ELMO1: variants seen among roughly 807,000 people sequenced by gnomAD.
ELMO1 encodes the protein engulfment and cell motility 1, also known as engulfment and cell motility protein 1.
ELMO1 carries 26 observed loss-of-function variants against 98.9 expected under a neutral mutation model. That is an observed-to-expected ratio of 0.26 (90% CI 0.19 to 0.36). The LOEUF (loss-of-function observed/expected upper bound fraction) is 0.36, where lower values mean the gene tolerates loss of function less well. ELMO1 is among the 10% of genes least tolerant of loss of function. The pLI is 1.00. For missense variants in ELMO1, 627 were observed against 935.2 expected (o/e 0.67, Z 4.30); for synonymous variants, 346 against 346.0 (o/e 1.00, Z 0.00).
At chr7:37,218,136 C>T (rs1463511600) in intron 10 of ELMO1, among the ~76,000 whole-genome samples, 1 of 151,950 alleles carries the variant, frequency 6.6e-6, no homozygotes, top group East Asian at 1.9e-4. Flanking sequence ...ATAAAAGCCT[C>T]AAAGGATCCT....
chr7:37,352,995 A>G (rs941398143), intron 1 of ELMO1: 1 of 152,082 alleles, frequency 6.6e-6, no homozygotes, highest in African/African-American at 2.4e-5. Context: ...GGCACATCCA[A>G]TGGCTCTGTA....
intron 15 of ELMO1, chr7:37,013,727 G>T: frequency 3.1e-6 from 1 of 321,598 alleles, no homozygotes; most frequent in South Asian, 4.7e-5. Context: ...AAACTGCTGT[G>T]TTGATTATGA....
chr7:37,100,085 A>G (rs1784563847), intron 14 of ELMO1, among the ~76,000 whole-genome samples: 1 of 152,066 alleles, frequency 6.6e-6, no homozygotes, highest in African/African-American at 2.4e-5. Flanking sequence ...TCCCTCTCCA[A>G]TGACCAAATC....
At chr7:37,156,347 C>T (rs1788763685) in intron 13 of ELMO1, among the ~76,000 whole-genome samples, 1 of 151,820 alleles carries the variant, frequency 6.6e-6, no homozygotes, top group Non-Finnish European at 1.5e-5. Context: ...GACAGAGATA[C>T]AAAAAAACCC....
chr7:37,151,663 G>A (rs1482090651), intron 13 of ELMO1, among the ~76,000 whole-genome samples: 1 of 152,154 alleles, frequency 6.6e-6, no homozygotes, highest in Non-Finnish European at 1.5e-5. Flanking sequence ...ATGGTTTTCT[G>A]GAGAACATAT....
chr7:36,945,499 G>A (rs761563944), intron 16 of ELMO1, among the ~76,000 whole-genome samples: 1 of 152,186 alleles, frequency 6.6e-6, no homozygotes, highest in African/African-American at 2.4e-5. Context: ...GGAATCCCTA[G>A]AACGATCATT....
At chr7:37,173,075 G>A (rs1039429587) in intron 13 of ELMO1, among the ~76,000 whole-genome samples, 3 of 152,166 alleles carry the variant, frequency 2.0e-5, no homozygotes, top group East Asian at 1.9e-4. Context: ...CCTCTTCAAC[G>A]AAATGTGAAA....
Position 36,928,849 on chromosome 7 carries a change from T to G in ELMO1, c.1438-33832A>C, listed in dbSNP as rs148980179. Among the ~76,000 whole-genome samples the G allele has an allele frequency of 2.7e-3, 411 of 152,268 alleles. 1 individual carries two copies. Among genetic ancestry groups the G allele is most frequent in the South Asian group, 0.017 (83 of 4,828 alleles). Reference sequence around the variant, plus strand: ...AGGGAGCTTTTCTGAAAGGTGAGAATGTACTAAAGTGTGGCATATGACACA... The same window carrying G: ...AGGGAGCTTTTCTGAAAGGTGAGAAGGTACTAAAGTGTGGCATATGACACA... On this transcript the variant is annotated intron_variant, in intron 16 of 21. Transcript: ENST00000310758.
chr7:36,953,515 A>C (rs1333908203), intron 16 of ELMO1, among the ~76,000 whole-genome samples: 1 of 152,204 alleles, frequency 6.6e-6, no homozygotes, highest in Non-Finnish European at 1.5e-5. Context: ...TGACTGTCAA[A>C]AATTTTGGTG....
intron 15 of ELMO1, among the ~76,000 whole-genome samples, chr7:37,082,197 G>C (rs781574802): frequency 1.3e-5 from 2 of 152,196 alleles, no homozygotes; most frequent in Non-Finnish European, 2.9e-5. Flanking sequence ...AGCTGCACTG[G>C]CATTATAATG....
chr7:37,217,654 A>T, intron 10 of ELMO1: 1 of 456,534 alleles, frequency 2.2e-6, no homozygotes, highest in Non-Finnish European at 4.4e-6. Flanking sequence ...GGTGGACAGG[A>T]GCAGCACAGG....
At chr7:37,166,998 G>C (rs6954561) in intron 13 of ELMO1, among the ~76,000 whole-genome samples, 31,561 of 151,248 alleles carry the variant, frequency 0.21, 4,446 homozygotes, top group African/African-American at 0.4. Flanking sequence ...TCACTCAGGA[G>C]TTGCTTTATG....
At chr7:37,325,342 A>T (rs1017978490) in intron 2 of ELMO1, among the ~76,000 whole-genome samples, 1 of 152,216 alleles carries the variant, frequency 6.6e-6, no homozygotes, top group Non-Finnish European at 1.5e-5. Flanking sequence ...GGGCCTGGAA[A>T]GGCATGCAGT....
At chr7:36,866,046 C>T (rs1046962392) in intron 20 of ELMO1, among the ~76,000 whole-genome samples, 3 of 152,192 alleles carry the variant, frequency 2.0e-5, no homozygotes, top group African/African-American at 7.2e-5. Context: ...AAGATGGAAG[C>T]TTCTCATACA....
At chr7:36,863,097 G>A (rs964912391) in intron 20 of ELMO1, among the ~76,000 whole-genome samples, 5 of 152,148 alleles carry the variant, frequency 3.3e-5, no homozygotes, top group Admixed American at 2.0e-4. Context: ...TTGAGAGGGG[G>A]CAGGTCTTGT....
At chr7:37,176,902 T>C (rs774663108) in intron 13 of ELMO1, among the ~76,000 whole-genome samples, 2 of 152,258 alleles carry the variant, frequency 1.3e-5, no homozygotes, top group Non-Finnish European at 2.9e-5. Context: ...CAGACAATAC[T>C]GGCATAGACC....
At position 36,855,912 on chromosome 7, in the gene ELMO1, G is replaced by T. The variant is rs113406032; in HGVS notation, c.1984-161C>A. ...TTTGGCGACATCTCAATATAAAGTCGATACTTCTGTTATCTCTGTTTTATA... is the reference window on the plus strand; with the variant it reads ...TTTGGCGACATCTCAATATAAAGTCTATACTTCTGTTATCTCTGTTTTATA... On this transcript the variant is annotated intron_variant, in intron 21 of 21. Transcript: ENST00000310758. The surrounding 1 kb of genome is among the most constrained non-coding windows in gnomAD (Gnocchi z 4.2). 1.3e-5 allele frequency among the ~76,000 whole-genome samples: 2 copies of T among 152,188 alleles called. No individual in the cohort carries two copies. Among genetic ancestry groups the T allele is most frequent in the Non-Finnish European group, 2.9e-5 (2 of 68,036 alleles).
intron 15 of ELMO1, among the ~76,000 whole-genome samples, chr7:37,082,404 G>A (rs1218980292): frequency 1.3e-5 from 2 of 151,938 alleles, no homozygotes; most frequent in Non-Finnish European, 2.9e-5. Context: ...CATGCAGAAT[G>A]AGAAAAGCAT....
intron 15 of ELMO1, among the ~76,000 whole-genome samples, chr7:37,089,515 T>C (rs75263881): frequency 0.016 from 2,495 of 152,272 alleles, 68 homozygotes; most frequent in African/African-American, 0.057. Flanking sequence ...AAAGCATAAT[T>C]GAAGAAGTGG....
Sources: allele counts gnomAD v4.1 joint callset (sites outside exome capture counted in the v4.1 genomes callset), GRCh38; gene constraint gnomAD v4.1.1; non-coding constraint Gnocchi (gnomAD v3.1); transcripts MANE v1.5; gene names NCBI Gene and HGNC (gene_info 2026-07-23, HGNC 2026-07-21).